Variants in ABCB9 observed in about 807,000 individuals in gnomAD.
The protein encoded by ABCB9 is ABC-type oligopeptide transporter ABCB9.
Under a neutral mutation model 62.0 loss-of-function variants are expected in ABCB9, and 36 were observed. The ratio of observed to expected loss-of-function variants is 0.58; its 90% confidence interval spans 0.45 to 0.77. ABCB9 has a LOEUF of 0.77. ABCB9 is among the 30% of genes least tolerant of loss of function. ABCB9 has a pLI of 0.00. For synonymous variants in ABCB9, 435 were observed against 461.4 expected (o/e 0.94, Z 0.73); for missense variants, 943 against 1,054.7 (o/e 0.89, Z 1.47).
chr12:122,955,067 G>A (rs1389102165), intron 2 of ABCB9, among the ~76,000 whole-genome samples: 7 of 152,184 alleles, frequency 4.6e-5, no homozygotes, highest in East Asian at 3.9e-4. Flanking sequence ...AAGTAGCTGC[G>A]GTCACAGGTA....
At chr12:122,956,651 G>C (rs775578378) in intron 2 of ABCB9, among the ~76,000 whole-genome samples, 1 of 152,188 alleles carries the variant, frequency 6.6e-6, no homozygotes, top group Non-Finnish European at 1.5e-5. Flanking sequence ...CTCCCAAATA[G>C]CTGGAATTAC....
Position 122,950,557 on chromosome 12 carries a change from A to G in ABCB9, c.610T>C (p.Phe204Leu). The G allele has an allele frequency of 1.2e-6, 2 of 1,612,056 alleles. No individual in the cohort carries two copies. The highest frequency in any genetic ancestry group is 1.7e-6 in the Non-Finnish European group (2 of 1,179,828). The change falls in exon 3 of 12, where the codon TTC becomes CTC. Residue 204 changes from phenylalanine (F) to leucine (L), a missense_variant. Transcript: ENST00000280560. ...FLIVAALGET[F>L]LPYYTGRAID... is the part of the protein sequence containing the mutation. ...GCGCGGCCCGTGTAGTAGGGCAGGA[A>G]GGTCTCTCCTGGGGGAGGCAGGGCA...
At position 122,944,311 on chromosome 12, in the gene ABCB9, C is replaced by T; in HGVS notation, c.1380+80G>A. 6.8e-7 allele frequency: 1 copy of T among 1,475,522 alleles called. No homozygotes were observed. Among genetic ancestry groups the T allele is most frequent in the Non-Finnish European group, 9.2e-7 (1 of 1,086,002 alleles). 91.4% of individuals were successfully genotyped at this position (1,475,522 alleles called of 1,614,324 possible). A position where few individuals can be genotyped will look rare whatever the true frequency, so the allele number is the denominator to read the frequency against. On this transcript the variant is annotated intron_variant, in intron 7 of 11. Transcript: ENST00000280560. This position sits in a 1 kb window ranked among gnomAD's most constrained non-coding sequence, Gnocchi z 4.9. ...TACCACATTGTCAGAGTCCCTGGAG[C>T]CCCGCCCCCACCCTGTTAAGATCCC...
chr12:122,970,437 G>C (rs1359428695), upstream of ABCB9, among the ~76,000 whole-genome samples: 1 of 152,010 alleles, frequency 6.6e-6, no homozygotes. Context: ...TGGTAGAGAT[G>C]AAGTTTCACC....
chr12:122,946,533 G>A (rs999370813), intron 5 of ABCB9: 3 of 385,640 alleles, frequency 7.8e-6, no homozygotes, highest in Admixed American at 7.9e-5. Context: ...GACAGTTTTT[G>A]GTAATCCTTT....
chr12:122,950,477 G>A lies in ABCB9; in HGVS notation c.690C>T (p.Val230=). ...KSMDQFSTAV[V]IVCLLAIGSS... is the part of the protein sequence containing the mutation. ...TGCCAATGGCCAGCAGGCACACGAT[G>A]ACGACAGCCGTGCTGAACTGATCCA... Residue 230 remains valine, a synonymous_variant, in exon 3 of 12, where the codon GTC becomes GTT. Transcript: ENST00000280560. 1 of 1,612,628 alleles carries A rather than the reference G, an allele frequency of 6.2e-7. No homozygotes were observed. The highest frequency in any genetic ancestry group is 8.5e-7 in the Non-Finnish European group (1 of 1,179,878).
At chr12:122,924,623 C>G, downstream of ABCB9, 1 of 1,446,976 alleles carries the variant, frequency 6.9e-7, no homozygotes, top group Non-Finnish European at 9.1e-7. Context: ...AAGACAAACT[C>G]TAATGTGGGA....
Position 122,929,802 on chromosome 12 carries a change from T to C in ABCB9, c.*109A>G, listed in dbSNP as rs2270788. On this transcript the variant is annotated 3_prime_UTR_variant, in exon 12 of 12. Transcript: ENST00000280560. The surrounding 1 kb of genome is among the most constrained non-coding windows in gnomAD (Gnocchi z 6.0). ...GATCCATGGGACATGGCAGGTCGTC[T>C]TTCAGTGCTGCAGGCCTGGGCTCGG... The C allele has an allele frequency of 0.13, 188,515 of 1,429,832 alleles. 21,843 individuals are homozygous for C. The highest frequency in any genetic ancestry group is 0.61 in the African/African-American group (42,699 of 70,068). 88.6% of individuals were successfully genotyped at this position (1,429,832 alleles called of 1,614,324 possible).
At position 122,930,979 on chromosome 12, in the gene ABCB9, G is replaced by A. The variant is rs531989404; in HGVS notation, c.2041-808C>T. Among the ~76,000 whole-genome samples the A allele has an allele frequency of 3.0e-4, 45 of 152,284 alleles. No individual in the cohort carries two copies. The highest frequency in any genetic ancestry group is 1.1e-3 in the African/African-American group (44 of 41,550). ...GAGGTCACACAGTTATAAACTGTAG[G>A]ACGGAGCTGCTAATCCAGGTATCCC... On this transcript the variant is annotated intron_variant, in intron 11 of 11. Coordinates refer to ENST00000280560, the MANE Select transcript of ABCB9 (RefSeq NM_019625.4). The surrounding 1 kb of genome is among the most constrained non-coding windows in gnomAD (Gnocchi z 4.9).
chr12:122,925,259 A>C (rs2034863984), downstream of ABCB9, among the ~76,000 whole-genome samples: 1 of 152,150 alleles, frequency 6.6e-6, no homozygotes, highest in South Asian at 2.1e-4. Context: ...AAAACCAGAA[A>C]ATAACAAGTG....
downstream of ABCB9, among the ~76,000 whole-genome samples, chr12:122,920,177 A>G (rs922192898): frequency 5.9e-5 from 9 of 152,004 alleles, no homozygotes; most frequent in African/African-American, 2.2e-4. Flanking sequence ...CACCACGCCC[A>G]GCCAACTCAC....
At chr12:122,972,441 G>C (rs1419463319) in intron 1 of ABCB9, among the ~76,000 whole-genome samples, 1 of 152,176 alleles carries the variant, frequency 6.6e-6, no homozygotes, top group African/African-American at 2.4e-5. Flanking sequence ...GCGCTTCTAC[G>C]GGGGCTGGAA....
chr12:122,959,837 G>A lies in ABCB9; in HGVS notation c.399C>T (p.Leu133=). Residue 133 remains leucine (L), a synonymous_variant, in exon 2 of 12, where the codon CTC becomes CTT. Transcript: ENST00000280560. The surrounding 1 kb of genome is among the most constrained non-coding windows in gnomAD (Gnocchi z 5.4). ...TYISLGASFL[L]WWLLSTVRPG... Reference sequence around the variant, plus strand: ...GCCGCACGGTGGACAGCAGCCACCAGAGCAGGAAGGATGCGCCGAGTGAAA... The same window carrying A: ...GCCGCACGGTGGACAGCAGCCACCAAAGCAGGAAGGATGCGCCGAGTGAAA... 1.9e-6 allele frequency: 3 copies of A among 1,613,216 alleles called. No individual in the cohort carries two copies. Among genetic ancestry groups the A allele is most frequent in the Non-Finnish European group, 2.5e-6 (3 of 1,179,796 alleles).
intron 7 of ABCB9, among the ~76,000 whole-genome samples, chr12:122,941,500 G>C (rs1566168427): frequency 6.6e-6 from 1 of 151,710 alleles, no homozygotes; most frequent in East Asian, 1.9e-4. Context: ...GTAGAGACAG[G>C]GTTTCACCAC....
Position 122,944,263 on chromosome 12 carries a change from C to A in ABCB9, c.1380+128G>T, listed in dbSNP as rs1013224975. On this transcript the variant is annotated intron_variant, in intron 7 of 11. Transcript: ENST00000280560. This position sits in a 1 kb window ranked among gnomAD's most constrained non-coding sequence, Gnocchi z 4.9. ...CATTCTTGATATGATCATGCTGTCTCCCCTACTTACCTTAGAGAGAAATAC... is the reference window on the plus strand; with the variant it reads ...CATTCTTGATATGATCATGCTGTCTACCCTACTTACCTTAGAGAGAAATAC... The A allele has an allele frequency of 1.5e-6, 2 of 1,359,686 alleles. No individual in the cohort carries two copies. Among genetic ancestry groups the A allele is most frequent in the Non-Finnish European group, 2.0e-6 (2 of 1,002,812 alleles). 84.2% of individuals were successfully genotyped at this position (1,359,686 alleles called of 1,614,324 possible).
chr12:122,942,510 T>C (rs2035817799), intron 7 of ABCB9, among the ~76,000 whole-genome samples: 1 of 146,760 alleles, frequency 6.8e-6, no homozygotes, highest in African/African-American at 2.6e-5. Context: ...TCCCAGCTAC[T>C]GGGGAGGATG....
At chr12:122,927,064 AC>A (rs770708957), downstream of ABCB9, among the ~76,000 whole-genome samples, 3 of 152,082 alleles carry the variant, frequency 2.0e-5, no homozygotes, top group Non-Finnish European at 2.9e-5. Context: ...TGACAAATGT[AC>A]CCCAGTACTG....
intron 9 of ABCB9, among the ~76,000 whole-genome samples, chr12:122,936,186 A>G (rs1010616743): frequency 1.3e-5 from 2 of 152,248 alleles, no homozygotes; most frequent in Non-Finnish European, 2.9e-5. Flanking sequence ...GTGCATCCTT[A>G]AAACTGAATT....
chr12:122,972,917 C>T (rs1029717093), intron 1 of ABCB9: 4 of 152,186 alleles, frequency 2.6e-5, no homozygotes, highest in Admixed American at 6.5e-5. Flanking sequence ...ACATACGACT[C>T]TGGAATCAAG....
Sources: gnomAD v4.1 joint callset for allele counts (sites outside exome capture counted in the v4.1 genomes callset) on GRCh38, gnomAD v4.1.1 for gene constraint, Gnocchi (gnomAD v3.1) non-coding constraint, MANE v1.5 for transcripts, NCBI Gene and HGNC (gene_info 2026-07-23, HGNC 2026-07-21) for gene names.